The following PCTP variants were observed in gnomAD, a reference collection of about 807,000 sequenced individuals.
The protein encoded by PCTP is phosphatidylcholine transfer protein.
A neutral mutation model predicts 31.0 loss-of-function variants in PCTP; 27 were observed. That is an observed-to-expected ratio of 0.87 (90% CI 0.64 to 1.20). The LOEUF is 1.20. PCTP is among the 50% of genes most tolerant of loss of function. The pLI is 0.00. For synonymous variants in PCTP, 108 were observed against 101.2 expected (o/e 1.07, Z -0.40); for missense variants, 287 against 268.2 (o/e 1.07, Z -0.49).
chr17:55,773,934 G>T, intron 4 of PCTP, 39 bp downstream of exon 4: 1 of 1,544,980 alleles, frequency 6.5e-7, no homozygotes, highest in Non-Finnish European at 8.8e-7. Flanking sequence ...CCAGCCAGGG[G>T]TCCCCCACGG....
intron 3 of PCTP, among the ~76,000 whole-genome samples, chr17:55,818,462 T>C (rs1460914144): frequency 1.3e-5 from 2 of 152,244 alleles, no homozygotes; most frequent in Non-Finnish European, 2.9e-5. Context: ...TTCTGGTTTT[T>C]CCACTTACTA....
Position 55,771,109 on chromosome 17 carries a change from T to G in PCTP, c.263T>G (p.Leu88Arg). Residue 88 changes from leucine (L) to arginine (R), a missense_variant, in exon 3 of 6, where the codon CTC becomes CGC. Physicochemically the swap from Leu to Arg is moderately radical, Grantham distance 102. Transcript: ENST00000268896. ...AACTTCTTTTGCTTTCCTTTAGAAC[T>G]CTATGAACAAGAATGCAACGGAGAG... Reference protein sequence around the residue: ...RKQWDQYVKELYEQECNGETV... With the variant: ...RKQWDQYVKERYEQECNGETV... The G allele has an allele frequency of 6.2e-7, 1 of 1,612,340 alleles. No individual in the cohort carries two copies.
In PCTP at chr17:55,813,796, A is replaced by C. The variant is rs537972680; in HGVS notation, c.318-8965A>C. Among the ~76,000 whole-genome samples, 11 of 152,298 alleles carry C rather than the reference A, an allele frequency of 7.2e-5. No homozygotes were observed. The South Asian group carries it at 1.0e-3, about 14-fold the overall frequency. On this transcript the variant is annotated intron_variant, in intron 3 of 3. Coordinates refer to the PCTP transcript ENST00000572536. The stretch of plus-strand genomic sequence containing the variant: ...GGTGGCTCACGCCTGTAATCCTAGA[A>C]CTTTGGGAGGCTGAGGCCAGAGGAT...
intron 2 of PCTP, chr17:55,770,751 G>A (rs1208809898): frequency 6.3e-6 from 1 of 159,356 alleles, no homozygotes; most frequent in Non-Finnish European, 1.3e-5. Context: ...GTGTCATTCT[G>A]TCACCCAGGC....
rs954637601 is a variant in PCTP at position 55,789,659 on chromosome 17, G to A, written c.317+2005G>A. Among the ~76,000 whole-genome samples, 10 of 152,074 alleles carry A rather than the reference G, an allele frequency of 6.6e-5. No homozygotes were observed. In the East Asian group the frequency reaches 7.7e-4, roughly 12 times the overall value. On this transcript the variant is annotated intron_variant, in intron 3 of 3. Transcript: ENST00000572536. ...TTACTCAAAATATTCTCACTGCACC[G>A]TGTTATGTCTTAAAATATCTCACAT...
chr17:55,828,197 A>G (rs1905469492), intron 5 of PCTP, among the ~76,000 whole-genome samples: 1 of 152,204 alleles, frequency 6.6e-6, no homozygotes, highest in South Asian at 2.1e-4. Flanking sequence ...ACATTTTGGC[A>G]GAACAGTGTC....
In PCTP at chr17:55,774,783, C is replaced by G. The variant is rs750811132; in HGVS notation, c.512-9C>G. ...CTTTTTCTGAATTGTCCTTTCTTTC[C>G]CTCTCTAGTTTTCATGTATTACTTC... On this transcript the variant is annotated splice_polypyrimidine_tract_variant and intron_variant, in intron 4 of 5. Transcript: ENST00000268896. 2 of 1,593,072 alleles carry G rather than the reference C, an allele frequency of 1.3e-6. No individual in the cohort carries two copies. Among genetic ancestry groups the G allele is most frequent in the Admixed American group, 1.7e-5 (1 of 59,300 alleles).
At chr17:55,818,405 C>T (rs994862580) in intron 3 of PCTP, among the ~76,000 whole-genome samples, 2 of 152,172 alleles carry the variant, frequency 1.3e-5, no homozygotes, top group African/African-American at 4.8e-5. Flanking sequence ...GTGTGAGTAT[C>T]ACTCTTTTTT....
At chr17:55,821,752 T>A (rs934503026) in intron 3 of PCTP, among the ~76,000 whole-genome samples, 5 of 152,210 alleles carry the variant, frequency 3.3e-5, no homozygotes, top group African/African-American at 1.2e-4. Context: ...GGATTTTAAC[T>A]CATTTTTGTC....
chr17:55,762,812 C>A lies in PCTP; in HGVS notation c.142-4523C>A, dbSNP rs1321218700. 2.6e-5 allele frequency among the ~76,000 whole-genome samples: 4 copies of A among 151,834 alleles called. No individual in the cohort carries two copies. In the East Asian group the frequency reaches 5.8e-4, roughly 22 times the overall value. The stretch of plus-strand genomic sequence containing the variant: ...CGGCTACCTCTCCCTGCAGAGGAGA[C>A]CAGGGAAGTTATTGGCTGTTTACAT... On this transcript the variant is annotated intron_variant, in intron 1 of 5. Coordinates refer to ENST00000268896, the MANE Select transcript of PCTP (RefSeq NM_021213.4).
chr17:55,783,932 G>A (rs76608262), intron 2 of PCTP, among the ~76,000 whole-genome samples: 3,596 of 152,276 alleles, frequency 0.024, 138 homozygotes, highest in African/African-American at 0.075. Flanking sequence ...ACTTGATGGC[G>A]AGGTTGAGTA....
At chr17:55,802,093 C>A (rs889878901) in intron 3 of PCTP, among the ~76,000 whole-genome samples, 1 of 152,100 alleles carries the variant, frequency 6.6e-6, no homozygotes, top group Non-Finnish European at 1.5e-5. Flanking sequence ...AACACCTCTA[C>A]ACAAATAAAC....
intron 1 of PCTP, among the ~76,000 whole-genome samples, chr17:55,757,131 G>A (rs1340964013): frequency 1.3e-5 from 2 of 151,286 alleles, no homozygotes; most frequent in African/African-American, 2.4e-5. Context: ...GTGTGCATTT[G>A]GATATATATA....
intron 1 of PCTP, among the ~76,000 whole-genome samples, chr17:55,763,564 A>T (rs1567712423): frequency 6.6e-6 from 1 of 151,964 alleles, no homozygotes; most frequent in Non-Finnish European, 1.5e-5. Flanking sequence ...TTAGGTATGG[A>T]GTCTTCATAA....
At chr17:55,777,432 A>C (rs1911395583), downstream of PCTP, 1 of 954,156 alleles carries the variant, frequency 1.0e-6, no homozygotes, top group African/African-American at 1.8e-5. Flanking sequence ...TGCATCAGTT[A>C]GATCTCCTTT....
At chr17:55,817,671 G>C (rs1438245447) in intron 3 of PCTP, among the ~76,000 whole-genome samples, 1 of 152,186 alleles carries the variant, frequency 6.6e-6, no homozygotes, top group African/African-American at 2.4e-5. Context: ...TGGAAAAGTA[G>C]CTTTATTGTC....
intron 5 of PCTP, 120 bp from the exon 6 acceptor site, chr17:55,775,915 A>C: frequency 6.8e-7 from 1 of 1,473,544 alleles, no homozygotes; most frequent in Non-Finnish European, 9.0e-7. Flanking sequence ...AAATCCAGTT[A>C]GGGAGCCTAT....
intron 3 of PCTP, among the ~76,000 whole-genome samples, chr17:55,794,046 G>A (rs9915730): frequency 0.042 from 6,445 of 152,146 alleles, 445 homozygotes; most frequent in African/African-American, 0.14. Context: ...ACTCCTAGAT[G>A]ACATTTAAGC....
At chr17:55,809,961 G>T (rs1257210721) in intron 3 of PCTP, among the ~76,000 whole-genome samples, 1 of 152,142 alleles carries the variant, frequency 6.6e-6, no homozygotes, top group African/African-American at 2.4e-5. Context: ...GTTACTATTA[G>T]AAATTTACCT....
Sources: allele counts gnomAD v4.1 joint callset (sites outside exome capture counted in the v4.1 genomes callset), GRCh38; gene constraint gnomAD v4.1.1; transcripts MANE v1.5; gene names NCBI Gene and HGNC (gene_info 2026-07-23, HGNC 2026-07-21).